The following TRRAP variants were observed in gnomAD, a reference collection of about 807,000 sequenced individuals.
TRRAP encodes the protein transformation/transcription domain associated protein, also known as transformation/transcription domain-associated protein.
A neutral mutation model predicts 438.8 loss-of-function variants in TRRAP; 41 were observed. The observed-to-expected ratio is 0.09, with a 90% CI of 0.07 to 0.12. The LOEUF (loss-of-function observed/expected upper bound fraction) is 0.12, where lower values mean the gene tolerates loss of function less well. Ranked by LOEUF, TRRAP falls within the 10% of genes least tolerant of loss-of-function variation. The pLI is 1.00. For synonymous variants in TRRAP, 1,994 were observed against 1,962.9 expected, an observed-to-expected ratio of 1.02 and a Z score of -0.42; for missense variants, 3,122 against 5,055.1, an observed-to-expected ratio of 0.62 and a Z score of 11.60.
At position 98,994,076 on chromosome 7, in the gene TRRAP, G is replaced by A. The variant is rs117029231; in HGVS notation, c.10047+339G>A. On this transcript the variant is annotated intron_variant, in intron 66 of 72. Transcript: ENST00000456197. The surrounding 1 kb of genome is among the most constrained non-coding windows in gnomAD (Gnocchi z 4.8). ...GAGTAACAGGGTTATAATTTCCATA[G>A]ATGGGAAATTGTAGGGATGTGGGGT... Among the ~76,000 whole-genome samples the A allele has an allele frequency of 3.0e-4, 45 of 152,326 alleles. No homozygotes were observed. In the East Asian group the frequency reaches 8.5e-3, roughly 29 times the overall value.
At chr7:98,990,190 G>A (rs1793336923) in intron 63 of TRRAP, among the ~76,000 whole-genome samples, 1 of 152,018 alleles carries the variant, frequency 6.6e-6, no homozygotes, top group Admixed American at 6.5e-5. Context: ...ATCGCACCAC[G>A]GCACTCCAGT....
intron 18 of TRRAP, among the ~76,000 whole-genome samples, chr7:98,914,366 C>A (rs782206622): frequency 3.9e-5 from 6 of 151,968 alleles, no homozygotes; most frequent in African/African-American, 7.3e-5. Flanking sequence ...CTTAGGTGAC[C>A]GAGTGAGATC....
In TRRAP at chr7:98,970,218, G is replaced by A. The variant is rs1792349544; in HGVS notation, c.7619G>A (p.Arg2540His). 3.1e-6 allele frequency: 5 copies of A among 1,613,624 alleles called. No individual in the cohort carries two copies. The highest frequency in any genetic ancestry group is 4.2e-6 in the Non-Finnish European group (5 of 1,180,038). Residue 2540 changes from arginine (R) to histidine (H), a missense_variant, in exon 52 of 73, where the codon CGT (arginine) becomes CAT (histidine). This residue lies in a region of TRRAP where 992 missense variants were observed against 1,281.2 expected (regional missense o/e 0.77). Transcript: ENST00000456197. ...NVINLADSHDRAAFAMVTHVK... is the reference protein window; with the variant it reads ...NVINLADSHDHAAFAMVTHVK... ...ATCAACCTGGCCGATAGCCACGACC[G>A]TGCCGCCTTCGCCATGGTCACACAT...
intron 30 of TRRAP, among the ~76,000 whole-genome samples, chr7:98,942,605 G>A (rs966560217): frequency 9.2e-5 from 14 of 152,176 alleles, no homozygotes; most frequent in East Asian, 3.9e-4. Flanking sequence ...GATGTCGGCC[G>A]TTCATGTCTC....
At chr7:98,959,289 T>G in intron 44 of TRRAP, 55 bp from the exon 45 acceptor site, 1 of 1,596,048 alleles carries the variant, frequency 6.3e-7, no homozygotes, top group South Asian at 1.1e-5. Flanking sequence ...GTCACTGGAA[T>G]GACTGTAAAC....
At chr7:98,975,622 T>C (rs2116726942) in intron 53 of TRRAP, among the ~76,000 whole-genome samples, 1 of 152,374 alleles carries the variant, frequency 6.6e-6, no homozygotes, top group South Asian at 2.1e-4. Flanking sequence ...TTCCATTCTC[T>C]TCTGTTCTGT....
chr7:98,975,389 G>A lies in TRRAP; in HGVS notation c.7840-760G>A, dbSNP rs111298403. ...TCAGCATGTGCCCCAGCCCTGTTGC[G>A]CCACTGCCTGATGCCATGTAGGGTG... is the stretch of plus-strand genomic sequence containing the variant. On this transcript the variant is annotated intron_variant, in intron 53 of 72. Coordinates refer to ENST00000456197, the MANE Select transcript of TRRAP (RefSeq NM_001375524.1). 5.5e-3 allele frequency among the ~76,000 whole-genome samples: 831 copies of A among 152,298 alleles called. 3 individuals carry two copies. The highest frequency in any genetic ancestry group is 0.018 in the African/African-American group (734 of 41,552).
intron 58 of TRRAP, among the ~76,000 whole-genome samples, chr7:98,981,099 A>G (rs187795520): frequency 1.0e-3 from 156 of 152,094 alleles, no homozygotes; most frequent in Middle Eastern, 3.4e-3. Context: ...TATATATATA[A>G]CAGCTTAAAA....
rs1554407027 is a variant in TRRAP, at chr7:98,903,451, A to C, written c.970A>C (p.Thr324Pro). Residue 324 changes from threonine (T) to proline (P), a missense_variant, in exon 12 of 73, where the codon ACT (threonine) becomes CCT (proline). Thr to Pro is a conservative substitution (Grantham distance 38, BLOSUM62 -1). Coordinates refer to ENST00000456197, the MANE Select transcript of TRRAP (RefSeq NM_001375524.1). ...GTTACTTTCAAATTGTCCAGCAGAG[A>C]CTGCACACCTCAGAAAGGAGCTTCT... ...LQLLSNCPAETAHLRKELLIA... is the reference protein window; with the variant it reads ...LQLLSNCPAEPAHLRKELLIA... 1 of 1,614,104 alleles carries C rather than the reference A, an allele frequency of 6.2e-7. No homozygotes were observed. The highest frequency in any genetic ancestry group is 1.3e-5 in the African/African-American group (1 of 74,926).
intron 30 of TRRAP, 29 bp from the exon 31 acceptor site, chr7:98,942,920 T>G: frequency 1.2e-6 from 2 of 1,613,776 alleles, no homozygotes; most frequent in Non-Finnish European, 1.7e-6. Context: ...TACTGTGAAG[T>G]TGTGTCTCAG....
intron 50 of TRRAP, 79 bp from the exon 51 acceptor site, chr7:98,967,406 C>G: frequency 1.3e-6 from 2 of 1,496,696 alleles, no homozygotes; most frequent in Non-Finnish European, 9.2e-7. Flanking sequence ...AAGTTCACAT[C>G]CACGTTCACC....
Position 98,966,822 on chromosome 7 carries a change from A to G in TRRAP, c.7177-219A>G, listed in dbSNP as rs1282936229. On this transcript the variant is annotated intron_variant, in intron 49 of 72. Transcript: ENST00000456197. The stretch of plus-strand genomic sequence containing the variant: ...TGCTTGCAAACTTCTGATTTGTTTT[A>G]TAATTTACAGTTGCTTTCTCTCTAA... Among the ~76,000 whole-genome samples, 3 of 152,254 alleles carry G rather than the reference A, an allele frequency of 2.0e-5. No homozygotes were observed. The East Asian group carries it at 5.8e-4, about 29-fold the overall frequency.
intron 40 of TRRAP, 23 bp from the exon 41 acceptor site, chr7:98,955,075 T>G: frequency 6.2e-7 from 1 of 1,601,360 alleles, no homozygotes; most frequent in Non-Finnish European, 8.5e-7. Context: ...TCATCCTCCA[T>G]AAACGTCTCT....
Position 98,992,306 on chromosome 7 carries a change from G to A in TRRAP, c.9847+79G>A, listed in dbSNP as rs7783504. 1.6e-3 allele frequency: 2,319 copies of A among 1,454,968 alleles called. 18 individuals are homozygous for A. The African/African-American group carries it at 0.026, about 16-fold the overall frequency. 90.1% of individuals were successfully genotyped at this position (1,454,968 alleles called of 1,614,324 possible). The stretch of plus-strand genomic sequence containing the variant: ...GTGCCCCACATCCAGACAGACCACC[G>A]CAGCCACCCCTGCCCTGCAGCTCAC... On this transcript the variant is annotated intron_variant, in intron 65 of 72. Coordinates refer to ENST00000456197, the MANE Select transcript of TRRAP (RefSeq NM_001375524.1).
At chr7:98,882,123 C>A in intron 3 of TRRAP, 99 bp downstream of exon 3, 9 of 1,011,684 alleles carry the variant, frequency 8.9e-6, no homozygotes, top group Non-Finnish European at 1.2e-5. Flanking sequence ...ACTCAAAGAT[C>A]ATTGTCTTTG....
At chr7:98,886,402 AGATATCTAGAGAGATATG>A (rs1393990247) in intron 3 of TRRAP, among the ~76,000 whole-genome samples, 12 of 152,132 alleles carry the variant, frequency 7.9e-5, no homozygotes, top group Middle Eastern at 3.4e-3. Flanking sequence ...AGATAGATAT[AGATATCTAGAGAGATATG>A]GATATCTAGA....
chr7:98,977,305 G>A (rs1318507153), intron 56 of TRRAP, among the ~76,000 whole-genome samples: 3 of 152,154 alleles, frequency 2.0e-5, no homozygotes, highest in Admixed American at 6.5e-5. Context: ...GGGATTACAG[G>A]CGCCCACCAC....
At chr7:98,941,049 CA>C (rs1211368130) in intron 30 of TRRAP, among the ~76,000 whole-genome samples, 1 of 152,050 alleles carries the variant, frequency 6.6e-6, no homozygotes, top group East Asian at 1.9e-4. Flanking sequence ...GTCTTTGGCC[CA>C]TTTTGAGTTC....
At chr7:99,008,301 G>A in intron 69 of TRRAP, 76 bp from the exon 70 acceptor site, 1 of 1,478,312 alleles carries the variant, frequency 6.8e-7, no homozygotes, top group Non-Finnish European at 9.3e-7. Flanking sequence ...TGCTCCCAGT[G>A]GCACTCTGAC....
Sources: allele counts gnomAD v4.1 joint callset (sites outside exome capture counted in the v4.1 genomes callset), GRCh38; gene constraint gnomAD v4.1.1; regional missense constraint gnomAD v4.1.1; non-coding constraint Gnocchi (gnomAD v3.1); transcripts MANE v1.5; gene names NCBI Gene and HGNC (gene_info 2026-07-23, HGNC 2026-07-21).